ANKRD36: variants seen among roughly 807,000 people sequenced by gnomAD.
ANKRD36 encodes the protein ankyrin repeat domain-containing protein 36A.
A neutral mutation model predicts 278.1 loss-of-function variants in ANKRD36; 179 were observed. That is an observed-to-expected ratio of 0.64 (90% CI 0.57 to 0.73). The LOEUF is 0.73. Ranked by LOEUF, ANKRD36 falls within the 30% of genes least tolerant of loss-of-function variation. ANKRD36 has a pLI of 0.00. For synonymous variants in ANKRD36, 320 were observed against 641.1 expected (o/e 0.50, Z 7.57); for missense variants, 1,159 against 1,956.7 (o/e 0.59, Z 7.69).
At chr2:97,177,465 G>T (rs985682652) in intron 22 of ANKRD36, among the ~76,000 whole-genome samples, 1 of 151,888 alleles carries the variant, frequency 6.6e-6, no homozygotes, top group Admixed American at 6.6e-5. Flanking sequence ...GCATGGTACT[G>T]GTACCAAAAC....
At chr2:97,207,691 C>T (rs1370860452) in intron 52 of ANKRD36, 120 bp from the exon 53 acceptor site, 6 of 1,460,142 alleles carry the variant, frequency 4.1e-6, no homozygotes, top group Middle Eastern at 2.4e-4. Context: ...AAAGTAGAAG[C>T]CATCAAAGCC....
intron 26 of ANKRD36, among the ~76,000 whole-genome samples, chr2:97,182,137 G>A (rs1225981370): frequency 1.3e-5 from 2 of 151,380 alleles, no homozygotes; most frequent in East Asian, 1.9e-4. Context: ...ACATCACATC[G>A]TATTGCTAAA....
chr2:97,196,340 G>A (rs1231826794), intron 40 of ANKRD36, among the ~76,000 whole-genome samples: 1 of 151,890 alleles, frequency 6.6e-6, no homozygotes, highest in South Asian at 2.1e-4. Flanking sequence ...ATATTGATAC[G>A]GTTTTATTTT....
intron 60 of ANKRD36, among the ~76,000 whole-genome samples, chr2:97,213,932 G>A (rs2065304629): frequency 6.6e-6 from 1 of 151,646 alleles, no homozygotes; most frequent in Non-Finnish European, 1.5e-5. Flanking sequence ...GGTAGAAGGA[G>A]AAAGACATGA....
At chr2:97,223,247 C>T (rs1247473440) in intron 66 of ANKRD36, among the ~76,000 whole-genome samples, 1 of 150,368 alleles carries the variant, frequency 6.7e-6, no homozygotes, top group Non-Finnish European at 1.5e-5. Context: ...ATTACAGGCA[C>T]ATGACACCAT....
chr2:97,136,578 GT>G (rs2041572958), intron 6 of ANKRD36, among the ~76,000 whole-genome samples: 1 of 151,824 alleles, frequency 6.6e-6, no homozygotes, highest in Non-Finnish European at 1.5e-5. Flanking sequence ...CAATCCCCAA[GT>G]AGGTAGTGCC....
In ANKRD36 at chr2:97,204,491, A is replaced by C. The variant is rs1471941063; in HGVS notation, c.3061+228A>C. On this transcript the variant is annotated intron_variant, in intron 50 of 75. Transcript: ENST00000420699. ...CACATTGAAATTGGGAAGAAGAAAT[A>C]TGGAGAGCAGTTCAAGGCATAAGGG... 2.1e-4 allele frequency among the ~76,000 whole-genome samples: 32 copies of C among 151,508 alleles called. 1 individual carries two copies. The highest frequency in any genetic ancestry group is 3.5e-4 in the Non-Finnish European group (24 of 67,726).
chr2:97,154,172 A>G (rs1187519235), intron 14 of ANKRD36, among the ~76,000 whole-genome samples: 1 of 146,116 alleles, frequency 6.8e-6, no homozygotes, highest in Non-Finnish European at 1.5e-5. Flanking sequence ...AGTAGCTTAC[A>G]TGCTGAAGAT....
In ANKRD36 at chr2:97,209,801, C is replaced by T. The variant is rs770206826; in HGVS notation, c.3296C>T (p.Ala1099Val). The T allele has an allele frequency of 6.2e-7, 1 of 1,600,666 alleles. No individual in the cohort carries two copies. Residue 1099 changes from alanine (A) to valine (V), a missense_variant and splice_region_variant, in exon 56 of 76, where the codon GCT becomes GTT. By Grantham distance (64) the Ala-to-Val change is moderately conservative. Transcript: ENST00000420699. ...TATTTCATTTCAAATTCCATTCAGG[C>T]TACAAGTGACGAGAAAGATTCTGTT... The part of the protein sequence containing the change: ...VSSRKKPALK[A>V]TSDEKDSVLY...
chr2:97,226,117 T>C (rs1324999381), intron 67 of ANKRD36, among the ~76,000 whole-genome samples: 1 of 151,696 alleles, frequency 6.6e-6, no homozygotes, highest in East Asian at 2.0e-4. Flanking sequence ...CAGCATGATT[T>C]ATAGTCCTTT....
rs376816891 is a variant in ANKRD36, at chr2:97,183,664, C to G, written c.1939+10C>G. 1 of 1,566,806 alleles carries G rather than the reference C, an allele frequency of 6.4e-7. No individual in the cohort carries two copies. The highest frequency in any genetic ancestry group is 1.4e-5 in the African/African-American group (1 of 73,476). ...GGGAAATCTGGAACAGGTAATTTGG[C>G]AATACACATTTAATGTCATGTGCAC... On this transcript the variant is annotated intron_variant, in intron 28 of 75. Coordinates refer to ENST00000420699, the MANE Select transcript of ANKRD36 (RefSeq NM_001354587.1).
At chr2:97,198,342 G>A in intron 42 of ANKRD36, 121 bp from the exon 43 acceptor site, 10 of 1,530,178 alleles carry the variant, frequency 6.5e-6, no homozygotes, top group Non-Finnish European at 8.8e-6. Flanking sequence ...CAAAGTAGAA[G>A]CCATCAAAGC....
chr2:97,226,040 G>A (rs2069452706), intron 67 of ANKRD36, among the ~76,000 whole-genome samples: 1 of 151,828 alleles, frequency 6.6e-6, no homozygotes, highest in Non-Finnish European at 1.5e-5. Flanking sequence ...GGACATTTGG[G>A]TTGGTTCCAA....
chr2:97,161,187 G>T (rs1003345972), intron 17 of ANKRD36, among the ~76,000 whole-genome samples: 2 of 152,260 alleles, frequency 1.3e-5, no homozygotes, highest in African/African-American at 4.8e-5. Context: ...TCCCCTTTGT[G>T]CCTCAAATTT....
chr2:97,155,367 A>G (rs1286020629), intron 15 of ANKRD36, among the ~76,000 whole-genome samples: 2 of 145,258 alleles, frequency 1.4e-5, no homozygotes, highest in Non-Finnish European at 3.1e-5. Flanking sequence ...CACCTACTCA[A>G]GAGTTCAAGC....
chr2:97,229,549 T>C (rs906077876), intron 67 of ANKRD36, among the ~76,000 whole-genome samples: 4 of 152,094 alleles, frequency 2.6e-5, no homozygotes, highest in African/African-American at 4.8e-5. Context: ...GTGAGATGGG[T>C]TTCCTGAATA....
intron 5 of ANKRD36, 115 bp from the exon 6 acceptor site, chr2:97,126,952 G>A: frequency 2.3e-6 from 1 of 440,566 alleles, no homozygotes; most frequent in Non-Finnish European, 3.9e-6. Context: ...AAAGAGAAGT[G>A]TATAGGATAA....
chr2:97,227,964 C>G (rs1421785091), intron 67 of ANKRD36, among the ~76,000 whole-genome samples: 1 of 152,136 alleles, frequency 6.6e-6, no homozygotes, highest in African/African-American at 2.4e-5. Flanking sequence ...ATTGAACCAG[C>G]CTTGCATCCC....
chr2:97,117,976 A>T (rs1403668767), intron 1 of ANKRD36, 88 bp from the exon 2 acceptor site: 3 of 1,489,614 alleles, frequency 2.0e-6, no homozygotes, highest in East Asian at 4.9e-5. Flanking sequence ...TTCACAAGAA[A>T]ATTACATATT....
Sources: allele counts gnomAD v4.1 joint callset (sites outside exome capture counted in the v4.1 genomes callset), GRCh38; gene constraint gnomAD v4.1.1; transcripts MANE v1.5; gene names NCBI Gene and HGNC (gene_info 2026-07-23, HGNC 2026-07-21).